SV2B: variants seen among roughly 807,000 people sequenced by gnomAD.
SV2B encodes solute carrier family 22 member B2.
A neutral mutation model predicts 73.9 loss-of-function variants in SV2B; 41 were observed. The observed-to-expected ratio is 0.56, with a 90% confidence interval of 0.43 to 0.72. The LOEUF is 0.72. SV2B is among the 30% of genes least tolerant of loss of function. The probability of loss-of-function intolerance (pLI) is 0.00; values close to 1 mark genes in which losing one functional copy is unlikely to be tolerated. For synonymous variants in SV2B, 314 were observed against 314.2 expected (o/e 1.00, Z 0.01); for missense variants, 764 against 857.8 (o/e 0.89, Z 1.37).
Position 91,266,601 on chromosome 15 carries a change from C to T in SV2B, c.1028C>T (p.Pro343Leu), listed in dbSNP as rs1459076163. 6.2e-7 allele frequency: 1 copy of T among 1,613,848 alleles called. No individual in the cohort carries two copies. Among genetic ancestry groups the T allele is most frequent in the Non-Finnish European group, 8.5e-7 (1 of 1,179,974 alleles). ...KVFTVSNIKT[P>L]KQMDEFIEIQ... ...TTTCAGGTTTCCAACATCAAAACTC[C>T]CAAGCAAATGGATGAATTCATTGAG... The change falls in exon 7 of 13, where the codon CCC (proline) becomes CTC (leucine). Residue 343 changes from proline (P) to leucine (L), a missense_variant. Pro to Leu is a moderately conservative substitution (Grantham distance 98). Coordinates refer to ENST00000394232, the MANE Select transcript of SV2B (RefSeq NM_001323032.3).
intron 1 of SV2B, among the ~76,000 whole-genome samples, chr15:91,198,495 G>A (rs539161853): frequency 0.022 from 3,353 of 149,568 alleles, 66 homozygotes; most frequent in South Asian, 0.053. Context: ...GTGTGTGTGT[G>A]TGTAGGTGTG....
intron 1 of SV2B, among the ~76,000 whole-genome samples, chr15:91,157,704 G>A (rs113945681): frequency 3.9e-4 from 60 of 152,296 alleles, no homozygotes; most frequent in African/African-American, 1.3e-3. Context: ...CCAGGTCATA[G>A]TGCTAAGTGG....
chr15:91,272,478 C>A lies in SV2B; in HGVS notation c.1373+3873C>A, dbSNP rs540479667. ...TGCCTGATTTCTGTCTGTGATAGGT[C>A]GTGACCCAGGAAGTAATGTCTTACT... On this transcript the variant is annotated intron_variant, in intron 9 of 12. Coordinates refer to ENST00000394232, the MANE Select transcript of SV2B (RefSeq NM_001323032.3). Among the ~76,000 whole-genome samples the A allele has an allele frequency of 3.3e-3, 498 of 152,170 alleles. 2 individuals are homozygous for A. Among genetic ancestry groups the A allele is most frequent in the African/African-American group, 0.011 (466 of 41,500 alleles).
rs1012677758 is a variant in SV2B, at chr15:91,284,134, G to A, written c.1621G>A (p.Val541Ile). The A allele has an allele frequency of 1.9e-6, 3 of 1,614,018 alleles. No individual in the cohort carries two copies. The highest frequency in any genetic ancestry group is 1.7e-5 in the Admixed American group (1 of 60,004). The change falls in exon 11 of 13, where the codon GTC becomes ATC. Residue 541 changes from valine to isoleucine, a missense_variant. By Grantham distance (29) the Val-to-Ile change is conservative. Transcript: ENST00000394232. This position sits in a 1 kb window ranked among gnomAD's most constrained non-coding sequence, Gnocchi z 4.5. ...AGATAATGACTTCCTGATTTACCTC[G>A]TCAGCTTCCTGGGCAGCCTGTCTGT... ...EQDNDFLIYLVSFLGSLSVLP... is the reference protein window; with the variant it reads ...EQDNDFLIYLISFLGSLSVLP...
Position 91,245,746 on chromosome 15 carries a change from CAT to C in SV2B, c.452-6072_452-6071del, listed in dbSNP as rs1331535410. Among the ~76,000 whole-genome samples the C allele has an allele frequency of 1.3e-5, 2 of 152,034 alleles. No individual in the cohort carries two copies. The highest frequency in any genetic ancestry group is 2.9e-5 in the Non-Finnish European group (2 of 68,014). ...ATAAATATATAACATCAAATAGAGA[CAT>C]GTGATACAAAGGAAAAGCAATAGTA... On this transcript the variant is annotated intron_variant, in intron 2 of 12. Transcript: ENST00000394232. This position sits in a 1 kb window ranked among gnomAD's most constrained non-coding sequence, Gnocchi z 4.2.
intron 1 of SV2B, among the ~76,000 whole-genome samples, chr15:91,114,749 A>G (rs1436623670): frequency 6.6e-6 from 1 of 152,152 alleles, no homozygotes; most frequent in East Asian, 1.9e-4. Flanking sequence ...AGCTTCAGGA[A>G]AAGGGCCCTA....
intron 2 of SV2B, among the ~76,000 whole-genome samples, chr15:91,244,420 C>T (rs1254227659): frequency 6.6e-6 from 1 of 152,194 alleles, no homozygotes; most frequent in East Asian, 1.9e-4. Context: ...TTTACTGGAC[C>T]CATAAAAGAC....
chr15:91,125,008 T>A (rs1380547413), intron 1 of SV2B, among the ~76,000 whole-genome samples: 2 of 152,164 alleles, frequency 1.3e-5, no homozygotes, highest in Admixed American at 6.5e-5. Context: ...CAGGGTGTGG[T>A]CAGTGTTGGT....
At chr15:91,126,550 G>C (rs1040885371) in intron 1 of SV2B, among the ~76,000 whole-genome samples, 2 of 152,086 alleles carry the variant, frequency 1.3e-5, no homozygotes, top group Non-Finnish European at 2.9e-5. Flanking sequence ...TATTGCTGCT[G>C]TACAGAAAAG....
Position 91,301,732 on chromosome 15 carries a change from C to T in SV2B, c.*9180C>T, listed in dbSNP as rs551258105. On this transcript the variant is annotated 3_prime_UTR_variant, in exon 13 of 13. Transcript: ENST00000394232. The surrounding 1 kb of genome is among the most constrained non-coding windows in gnomAD (Gnocchi z 4.3). Reference sequence around the variant, plus strand: ...TGGGACCAGAAGTGTTCTGGATTTCCGGTTTTAAAAGATTTTGGGATATTG... The same window carrying T: ...TGGGACCAGAAGTGTTCTGGATTTCTGGTTTTAAAAGATTTTGGGATATTG... 9.9e-5 allele frequency among the ~76,000 whole-genome samples: 15 copies of T among 152,236 alleles called. No homozygotes were observed. The highest frequency in any genetic ancestry group is 1.6e-4 in the Non-Finnish European group (11 of 68,010).
At chr15:91,165,742 T>C (rs1167749128) in intron 1 of SV2B, among the ~76,000 whole-genome samples, 2 of 152,200 alleles carry the variant, frequency 1.3e-5, no homozygotes, top group Admixed American at 6.5e-5. Context: ...GTCACAGCAC[T>C]ACTTCTTCCA....
intron 1 of SV2B, among the ~76,000 whole-genome samples, chr15:91,168,301 C>CGAGAGA (rs113991291): frequency 0.014 from 1,918 of 137,256 alleles, 26 homozygotes; most frequent in East Asian, 0.044. Flanking sequence ...TGGTGAGATA[C>CGAGAGA]GAGAGAGAGA....
intron 1 of SV2B, among the ~76,000 whole-genome samples, chr15:91,155,574 T>A (rs1181843021): frequency 6.6e-6 from 1 of 152,190 alleles, no homozygotes; most frequent in African/African-American, 2.4e-5. Flanking sequence ...GATCAGGGCA[T>A]GTGGCCAGAG....
rs1465114111 is a variant in SV2B at position 91,137,586 on chromosome 15, TTC to T, written c.-392+37226_-392+37227del. 1.1e-4 allele frequency among the ~76,000 whole-genome samples: 15 copies of T among 137,466 alleles called. No homozygotes were observed. The highest frequency in any genetic ancestry group is 4.1e-4 in the African/African-American group (15 of 37,022). The allele number at this position is 137,466 out of a possible 152,430, so 90.2% of individuals were successfully genotyped here. A position where few individuals can be genotyped will look rare whatever the true frequency, so the allele number is the denominator to read the frequency against. On this transcript the variant is annotated intron_variant, in intron 1 of 12. Coordinates refer to ENST00000394232, the MANE Select transcript of SV2B (RefSeq NM_001323032.3). The surrounding 1 kb of genome is among the most constrained non-coding windows in gnomAD (Gnocchi z 4.9). ...AAATGTGAAATATATATATATATAT[TTC>T]TCATATATATATATATTTCATATAT...
Position 91,289,670 on chromosome 15 carries a change from AC to A in SV2B, c.1860del (p.Asn621ThrfsTer31). The A allele has an allele frequency of 6.2e-7, 1 of 1,612,944 alleles. No individual in the cohort carries two copies. Among genetic ancestry groups the A allele is most frequent in the Non-Finnish European group, 8.5e-7 (1 of 1,179,718 alleles). On this transcript the variant is annotated frameshift_variant, in exon 12 of 13. Coordinates refer to ENST00000394232, the MANE Select transcript of SV2B (RefSeq NM_001323032.3). LOFTEE classifies it high-confidence loss of function. The surrounding 1 kb of genome is among the most constrained non-coding windows in gnomAD (Gnocchi z 4.9). ...TGTGATCACAGTGGAGCTGTATCCCACCAACCAGAGGTCAGTTCTTCCCCAG... is the reference window on the plus strand; with the variant it reads ...TGTGATCACAGTGGAGCTGTATCCCACAACCAGAGGTCAGTTCTTCCCCAG... ...LDVITVELYP[T>X]NQRATAFGIL...
chr15:91,192,401 T>C (rs947528370), intron 1 of SV2B, among the ~76,000 whole-genome samples: 1 of 152,230 alleles, frequency 6.6e-6, no homozygotes, highest in Non-Finnish European at 1.5e-5. Context: ...TCTTTGTCAA[T>C]AGGACTTCTT....
chr15:91,194,054 G>A (rs934467719), intron 1 of SV2B, among the ~76,000 whole-genome samples: 3 of 151,922 alleles, frequency 2.0e-5, no homozygotes, highest in African/African-American at 7.3e-5. Flanking sequence ...GCACTGGGAT[G>A]ATGGGTTCGA....
rs374774990 is a variant in SV2B at position 91,283,981 on chromosome 15, C to T, written c.1508-40C>T. ...CCTCTGCCTTTCTCTCTCCAGCTCC[C>T]TTCCACTTACATGAACCGAAGGTTT... On this transcript the variant is annotated intron_variant, in intron 10 of 12. Transcript: ENST00000394232. This position sits in a 1 kb window ranked among gnomAD's most constrained non-coding sequence, Gnocchi z 4.3. The T allele has an allele frequency of 3.1e-6, 5 of 1,607,666 alleles. No individual in the cohort carries two copies. Among genetic ancestry groups the T allele is most frequent in the African/African-American group, 1.3e-5 (1 of 74,756 alleles).
At chr15:91,196,785 T>A (rs948195717) in intron 1 of SV2B, among the ~76,000 whole-genome samples, 14 of 152,338 alleles carry the variant, frequency 9.2e-5, no homozygotes, top group African/African-American at 3.4e-4. Context: ...GGGGTGAAAT[T>A]GCAGTAAAAT....
Sources: gnomAD v4.1 joint callset for allele counts (sites outside exome capture counted in the v4.1 genomes callset) on GRCh38, gnomAD v4.1.1 for gene constraint, Gnocchi (gnomAD v3.1) non-coding constraint, MANE v1.5 for transcripts, NCBI Gene and HGNC (gene_info 2026-07-23, HGNC 2026-07-21) for gene names.